COL4A6: variants seen among roughly 807,000 people sequenced by gnomAD.
COL4A6 encodes the protein collagen alpha-6(IV) chain.
Under a neutral mutation model 126.7 loss-of-function variants are expected in COL4A6, and 59 were observed. That is an observed-to-expected ratio of 0.47 (90% CI 0.38 to 0.58). COL4A6 has a LOEUF of 0.58. COL4A6 is among the 20% of genes least tolerant of loss of function. The pLI, the probability that COL4A6 is intolerant of heterozygous loss-of-function variation, is 0.00. For synonymous variants in COL4A6, 547 were observed against 496.6 expected (o/e 1.10, Z -1.35); for missense variants, 1,285 against 1,337.3 (o/e 0.96, Z 0.61).
At chrX:108,210,409 G>A (rs780092790) in intron 7 of COL4A6, among the ~76,000 whole-genome samples, 1 of 112,164 alleles carries the variant, frequency 8.9e-6, no homozygotes, top group Non-Finnish European at 1.9e-5. Flanking sequence ...TGTATACGAT[G>A]CAAATCGGTC....
At chrX:108,208,218 C>G (rs937871032) in intron 8 of COL4A6, among the ~76,000 whole-genome samples, 1 of 111,870 alleles carries the variant, frequency 8.9e-6, no homozygotes, top group East Asian at 2.8e-4. Context: ...ACAGTCAAAT[C>G]TGCAATTACA....
At chrX:108,274,508 G>A (rs2037543559) in intron 3 of COL4A6, among the ~76,000 whole-genome samples, 1 of 111,614 alleles carries the variant, frequency 9.0e-6, no homozygotes, top group Non-Finnish European at 1.9e-5. Flanking sequence ...TGAAATACAT[G>A]GTCTTAGGCA....
At chrX:108,346,739 A>T (rs1031172386) in intron 2 of COL4A6, among the ~76,000 whole-genome samples, 7 of 112,554 alleles carry the variant, frequency 6.2e-5, no homozygotes, top group Admixed American at 5.6e-4. Flanking sequence ...AAGACCCAAA[A>T]CACTTCTAAT....
intron 2 of COL4A6, among the ~76,000 whole-genome samples, chrX:108,314,914 A>G (rs902182930): frequency 8.9e-6 from 1 of 111,757 alleles, no homozygotes; most frequent in African/African-American, 3.3e-5. Flanking sequence ...TTATATTAAC[A>G]TTAGCTATAC....
upstream of COL4A6, chrX:108,439,342 ATACT>A (rs1342679817): frequency 1.3e-6 from 1 of 786,667 alleles, no homozygotes; most frequent in Non-Finnish European, 1.8e-6. Flanking sequence ...TCACGCACAT[ATACT>A]TATTTTCTTA....
chrX:108,282,137 T>C (rs2037854965), intron 3 of COL4A6, among the ~76,000 whole-genome samples: 1 of 107,903 alleles, frequency 9.3e-6, no homozygotes, highest in African/African-American at 3.4e-5. Flanking sequence ...AAAGCCAAAA[T>C]TGACAAATGG....
At chrX:108,402,674 A>AT (rs992492393) in intron 2 of COL4A6, among the ~76,000 whole-genome samples, 2 of 110,903 alleles carry the variant, frequency 1.8e-5, no homozygotes, top group Non-Finnish European at 3.8e-5. Flanking sequence ...GATATATAGT[A>AT]TTTTTGTTAT....
At chrX:108,274,318 G>T (rs960657662) in intron 3 of COL4A6, among the ~76,000 whole-genome samples, 1 of 111,397 alleles carries the variant, frequency 9.0e-6, no homozygotes, top group African/African-American at 3.3e-5. Flanking sequence ...GGCAGGATAA[G>T]CATGTTTTGG....
intron 3 of COL4A6, among the ~76,000 whole-genome samples, chrX:108,248,792 G>C (rs1410140753): frequency 9.0e-6 from 1 of 110,617 alleles, no homozygotes; most frequent in East Asian, 2.9e-4. Context: ...TGAGCAGAGG[G>C]TGAGTAAGTG....
Position 108,402,682 on chromosome X carries a change from TATC to T in COL4A6, c.63+35257_63+35259del, listed in dbSNP as rs201376353. 6.0e-3 allele frequency among the ~76,000 whole-genome samples: 664 copies of T among 111,392 alleles called. 2 individuals are homozygous for T. Among genetic ancestry groups the T allele is most frequent in the East Asian group, 0.033 (120 of 3,605 alleles). On this transcript the variant is annotated intron_variant, in intron 2 of 44. Transcript: ENST00000334504. ...AAGTTTTGATATATAGTATTTTTGT[TATC>T]ATTCAATTCTAAAATTTAATTTTTA... is the stretch of plus-strand genomic sequence containing the variant.
chrX:108,193,413 G>T (rs903488463), intron 17 of COL4A6, among the ~76,000 whole-genome samples: 5 of 111,216 alleles, frequency 4.5e-5, no homozygotes, highest in Non-Finnish European at 9.4e-5. Context: ...AGGCTTAGTG[G>T]ACTGAACACA....
intron 2 of COL4A6, among the ~76,000 whole-genome samples, chrX:108,435,591 A>G (rs1337293076): frequency 3.6e-5 from 4 of 112,211 alleles, no homozygotes; most frequent in African/African-American, 1.3e-4. Context: ...TTTTATGCAG[A>G]TAAATTGTGC....
intron 2 of COL4A6, among the ~76,000 whole-genome samples, chrX:108,333,040 T>C (rs1412360988): frequency 1.8e-5 from 2 of 111,520 alleles, no homozygotes; most frequent in Non-Finnish European, 3.8e-5. Context: ...TTCATTCTTC[T>C]GCATATGGCT....
intron 2 of COL4A6, among the ~76,000 whole-genome samples, chrX:108,331,764 C>T (rs2039307399): frequency 9.0e-6 from 1 of 111,382 alleles, no homozygotes; most frequent in African/African-American, 3.3e-5. Context: ...CAGGGGATCT[C>T]AGTCTTTTTC....
chrX:108,341,181 C>T (rs775911409), intron 2 of COL4A6, among the ~76,000 whole-genome samples: 1 of 111,487 alleles, frequency 9.0e-6, no homozygotes, highest in Non-Finnish European at 1.9e-5. Context: ...CAATGCCTTA[C>T]AAGTACACAA....
rs758189091 is a variant in COL4A6 at position 108,252,912 on chromosome X, T to C, written c.145-31538A>G. Among the ~76,000 whole-genome samples the C allele has an allele frequency of 2.0e-4, 22 of 111,929 alleles. 1 individual carries two copies. In the South Asian group the frequency reaches 8.2e-3, roughly 42 times the overall value. ...AATGATGGACAAAACCATGTGATCATGTCAATAGATGCACAAAAAGCATTT... is the reference window on the plus strand; with the variant it reads ...AATGATGGACAAAACCATGTGATCACGTCAATAGATGCACAAAAAGCATTT... On this transcript the variant is annotated intron_variant, in intron 3 of 44. Transcript: ENST00000334504.
intron 2 of COL4A6, among the ~76,000 whole-genome samples, chrX:108,412,884 G>A (rs751441595): frequency 8.9e-6 from 1 of 112,423 alleles, no homozygotes. Flanking sequence ...ACAGCCTGGA[G>A]TCCCATGTAA....
intron 1 of COL4A6, 28 bp downstream of exon 1, chrX:108,438,158 A>G: frequency 8.3e-7 from 1 of 1,209,081 alleles, no homozygotes; most frequent in Non-Finnish European, 1.1e-6. Flanking sequence ...AAGAAAGAGG[A>G]GGGGAGCTCG....
At chrX:108,343,267 C>A (rs1181076711) in intron 2 of COL4A6, among the ~76,000 whole-genome samples, 4 of 102,286 alleles carry the variant, frequency 3.9e-5, no homozygotes. Context: ...TTAACAAACA[C>A]CTGCTATGTG....
Sources: allele counts gnomAD v4.1 joint callset (sites outside exome capture counted in the v4.1 genomes callset), GRCh38; gene constraint gnomAD v4.1.1; transcripts MANE v1.5; gene names NCBI Gene and HGNC (gene_info 2026-07-23, HGNC 2026-07-21).